Variants in MON2 observed in about 807,000 individuals in gnomAD.
The protein encoded by MON2 is protein MON2 homolog.
MON2 carries 84 observed loss-of-function variants against 208.6 expected under a neutral mutation model. The observed-to-expected ratio is 0.40, with a 90% CI of 0.34 to 0.48. The LOEUF (loss-of-function observed/expected upper bound fraction) is 0.48. Among genes scored for constraint, MON2 ranks in the 20% least tolerant of loss-of-function variants. The pLI is 0.59. For synonymous variants in MON2, 660 were observed against 694.0 expected, an observed-to-expected ratio of 0.95 and a Z score of 0.77; for missense variants, 1,611 against 2,015.4, an observed-to-expected ratio of 0.80 and a Z score of 3.84.
In MON2 at chr12:62,528,359, G is replaced by C. The variant is rs1044450900; in HGVS notation, c.1400+2257G>C. ...AGTGATATATAGATAGAAGTAGTTT[G>C]GACGTAAGTATTGGTGGCATATTCT... On this transcript the variant is annotated intron_variant, in intron 11 of 34. Transcript: ENST00000393630. Among the ~76,000 whole-genome samples the C allele has an allele frequency of 3.3e-5, 5 of 152,140 alleles. No individual in the cohort carries two copies. The South Asian group carries it at 1.0e-3, about 31-fold the overall frequency.
In MON2 at chr12:62,540,231, G is replaced by A. The variant is rs1217605678; in HGVS notation, c.2364+1726G>A. Among the ~76,000 whole-genome samples, 7 of 152,046 alleles carry A rather than the reference G, an allele frequency of 4.6e-5. No homozygotes were observed. In the East Asian group the frequency reaches 1.3e-3, roughly 29 times the overall value. On this transcript the variant is annotated intron_variant, in intron 19 of 34. Coordinates refer to ENST00000393630, the MANE Select transcript of MON2 (RefSeq NM_015026.3). ...TCTGCTCAGAGACATTAAGAAATAA[G>A]AGGTTTCTACTTTCAAAGAGTATAT...
At chr12:62,590,172 C>T (rs1021696859) in intron 34 of MON2, among the ~76,000 whole-genome samples, 3 of 152,140 alleles carry the variant, frequency 2.0e-5, no homozygotes, top group East Asian at 1.9e-4. Flanking sequence ...CTTACTGCGG[C>T]GTTGACCTCC....
At chr12:62,579,878 C>T (rs2074939647) in intron 31 of MON2, among the ~76,000 whole-genome samples, 1 of 152,092 alleles carries the variant, frequency 6.6e-6, no homozygotes, top group Admixed American at 6.6e-5. Flanking sequence ...AACTATTTGA[C>T]AAAAATGAAT....
chr12:62,565,920 TA>T (rs1395057982), intron 27 of MON2, 93 bp from the exon 28 acceptor site: 12 of 1,211,178 alleles, frequency 9.9e-6, no homozygotes, highest in African/African-American at 3.1e-5. Flanking sequence ...TCACTCAACA[TA>T]AAAATTATAA....
At chr12:62,529,146 C>T (rs2072489540) in intron 11 of MON2, among the ~76,000 whole-genome samples, 1 of 152,128 alleles carries the variant, frequency 6.6e-6, no homozygotes, top group Non-Finnish European at 1.5e-5. Context: ...TAATAGCCTC[C>T]AGCTCTAGAA....
intron 4 of MON2, among the ~76,000 whole-genome samples, chr12:62,497,594 G>A (rs1445593807): frequency 6.6e-6 from 1 of 151,998 alleles, no homozygotes; most frequent in Non-Finnish European, 1.5e-5. Context: ...TAAAACCACT[G>A]GGGAAACTGG....
At chr12:62,549,972 G>A in intron 23 of MON2, 142 bp downstream of exon 23, 3 of 493,706 alleles carry the variant, frequency 6.1e-6, no homozygotes, top group East Asian at 3.3e-5. Context: ...TCTGGGTGAA[G>A]GATTAAATAA....
rs373223699 is a variant in MON2 at position 62,501,557 on chromosome 12, C to T, written c.664-16C>T. ...TTTAATTCTAGCATGTGAAATTGTTCGATTTATTTTCCCAGGATCTTTGTC... is the reference window on the plus strand; with the variant it reads ...TTTAATTCTAGCATGTGAAATTGTTTGATTTATTTTCCCAGGATCTTTGTC... On this transcript the variant is annotated splice_polypyrimidine_tract_variant and intron_variant, in intron 6 of 34. Transcript: ENST00000393630. The T allele has an allele frequency of 2.6e-5, 42 of 1,609,394 alleles. No individual in the cohort carries two copies. In the African/African-American group the frequency reaches 3.1e-4, roughly 12 times the overall value.
chr12:62,541,685 T>C (rs987347208), intron 19 of MON2, among the ~76,000 whole-genome samples: 2 of 152,228 alleles, frequency 1.3e-5, no homozygotes, highest in African/African-American at 4.8e-5. Context: ...AGCTCTGTTC[T>C]TAAATACTTT....
Position 62,532,457 on chromosome 12 carries a change from G to C in MON2, c.1420G>C (p.Val474Leu), listed in dbSNP as rs2072700979. ...TTTCAGCTTAGAAATGTTGGACAAA[G>C]TTGAGCCTCCAACTATACCTGAAGG... ...KATYLEMLDK[V>L]EPPTIPEGYA... Residue 474 changes from valine to leucine, a missense_variant, in exon 12 of 35, where the codon GTT (valine) becomes CTT (leucine). Physicochemically the swap from Val to Leu is conservative, Grantham distance 32. Transcript: ENST00000393630. 1 of 1,613,706 alleles carries C rather than the reference G, an allele frequency of 6.2e-7. No individual in the cohort carries two copies. Among genetic ancestry groups the C allele is most frequent in the African/African-American group, 1.3e-5 (1 of 74,888 alleles).
chr12:62,503,151 T>C (rs1049699611), intron 7 of MON2, among the ~76,000 whole-genome samples: 1 of 152,214 alleles, frequency 6.6e-6, no homozygotes, highest in African/African-American at 2.4e-5. Flanking sequence ...TATTCTCTTT[T>C]ATCTTCCCAA....
intron 8 of MON2, 108 bp downstream of exon 8, chr12:62,508,588 A>G: frequency 1.0e-6 from 1 of 957,944 alleles, no homozygotes. Flanking sequence ...GTTCAACAGA[A>G]TTTTTTTGAG....
chr12:62,569,182 A>G (rs1466509464), intron 29 of MON2, among the ~76,000 whole-genome samples: 1 of 152,200 alleles, frequency 6.6e-6, no homozygotes, highest in Non-Finnish European at 1.5e-5. Context: ...TGCTATGCTT[A>G]ATGTTTTTCT....
intron 11 of MON2, 72 bp from the exon 12 acceptor site, chr12:62,532,366 T>A: frequency 9.1e-7 from 1 of 1,096,162 alleles, no homozygotes; most frequent in Non-Finnish European, 1.4e-6. Flanking sequence ...GTCTGTAAAT[T>A]GTAGAAAATA....
At chr12:62,545,323 A>G (rs2073433539) in intron 21 of MON2, among the ~76,000 whole-genome samples, 1 of 151,264 alleles carries the variant, frequency 6.6e-6, no homozygotes, top group Non-Finnish European at 1.5e-5. Context: ...TGGTCTTCAC[A>G]TGTCCCTGGA....
intron 1 of MON2, among the ~76,000 whole-genome samples, chr12:62,481,557 C>T (rs1565957521): frequency 6.6e-6 from 1 of 151,708 alleles, no homozygotes; most frequent in Admixed American, 6.6e-5. Context: ...TGTCTCCCAC[C>T]AGCAGTCATT....
intron 2 of MON2, among the ~76,000 whole-genome samples, chr12:62,487,287 TTTA>T (rs2069857121): frequency 6.6e-6 from 1 of 152,130 alleles, no homozygotes; most frequent in Non-Finnish European, 1.5e-5. Context: ...ACAAATTGTG[TTTA>T]TTATCCTAGC....
intron 8 of MON2, among the ~76,000 whole-genome samples, chr12:62,513,185 C>A (rs11520127): frequency 6.6e-6 from 1 of 152,120 alleles, no homozygotes; most frequent in Non-Finnish European, 1.5e-5. Flanking sequence ...ATGCAAATCT[C>A]TACAGCCAGC....
At chr12:62,543,630 C>T (rs756258111) in intron 20 of MON2, among the ~76,000 whole-genome samples, 12 of 151,314 alleles carry the variant, frequency 7.9e-5, no homozygotes, top group African/African-American at 2.7e-4. Flanking sequence ...TTTTTTGAGA[C>T]GGAATCTAAC....
Sources: allele counts gnomAD v4.1 joint callset (sites outside exome capture counted in the v4.1 genomes callset), GRCh38; gene constraint gnomAD v4.1.1; transcripts MANE v1.5; gene names NCBI Gene and HGNC (gene_info 2026-07-23, HGNC 2026-07-21).